Variants in TMEM212 observed in about 807,000 individuals in gnomAD.
TMEM212 encodes the protein transmembrane protein 212.
TMEM212 carries 23 observed loss-of-function variants against 20.5 expected under a neutral mutation model. That is an observed-to-expected ratio of 1.12 (90% CI 0.81 to 1.59). The LOEUF is 1.59. Ranked by LOEUF, TMEM212 falls within the 40% of genes most tolerant of loss-of-function variation. The pLI, the probability that TMEM212 is intolerant of heterozygous loss-of-function variation, is 0.00. For missense variants in TMEM212, 211 were observed against 215.0 expected (o/e 0.98, Z 0.12); for synonymous variants, 76 against 81.6 (o/e 0.93, Z 0.37).
intron 4 of TMEM212, 161 bp downstream of exon 4, chr3:171,856,868 T>C: frequency 4.8e-6 from 2 of 420,088 alleles, no homozygotes; most frequent in Non-Finnish European, 4.2e-6. Flanking sequence ...CTGACTGGGA[T>C]GTTTCCCCTT....
intron 4 of TMEM212, among the ~76,000 whole-genome samples, chr3:171,857,312 A>C (rs942988294): frequency 2.6e-5 from 4 of 152,200 alleles, no homozygotes; most frequent in Admixed American, 6.6e-5. Context: ...CCTTTTTAAT[A>C]AATGGTGTTA....
At position 171,853,784 on chromosome 3, in the gene TMEM212, A is replaced by G; in HGVS notation, c.477A>G (p.Leu159=). Residue 159 remains leucine (L), a synonymous_variant, in exon 3 of 5, where the codon CTA becomes CTG. Transcript: ENST00000334567. ...TAGACCTGTGCCTAAGCTTTACCCT[A>G]CTCTGTACATCCTTGACAGTGTTCA... ...QALDLCLSFT[L]LCTSLTVFIK... The G allele has an allele frequency of 1.3e-6, 2 of 1,536,916 alleles. No individual in the cohort carries two copies. Among genetic ancestry groups the G allele is most frequent in the African/African-American group, 1.4e-5 (1 of 73,008 alleles).
chr3:171,853,722 C>G lies in TMEM212; in HGVS notation c.415C>G (p.Pro139Ala). 2 of 1,537,510 alleles carry G rather than the reference C, an allele frequency of 1.3e-6. No individual in the cohort carries two copies. The highest frequency in any genetic ancestry group is 1.7e-6 in the Non-Finnish European group (2 of 1,146,932). The change falls in exon 3 of 5, where the codon CCA (proline) becomes GCA (alanine). Residue 139 changes from proline (P) to alanine (A), a missense_variant. Transcript: ENST00000334567. ...AKFPLACVDP[P>A]HYEEYHLTLQ... ...ATTCCCATTAGCCTGTGTGGACCCA[C>G]CACACTACGAAGAGTACCACCTGAC...
At position 171,852,108 on chromosome 3, in the gene TMEM212, G is replaced by T. The variant is rs1724990141; in HGVS notation, c.219+67G>T. 5.0e-6 allele frequency: 6 copies of T among 1,204,790 alleles called. No homozygotes were observed. The East Asian group carries it at 1.3e-4, about 26-fold the overall frequency. The allele number at this position is 1,204,790 out of a possible 1,614,324, so 74.6% of individuals were successfully genotyped here. A position where few individuals can be genotyped will look rare whatever the true frequency, so the allele number is the denominator to read the frequency against. ...AAGGTCAAATCACTACTAAGTTCAG[G>T]ATGGAACATAAAAAATATGATTTCC... On this transcript the variant is annotated intron_variant, in intron 2 of 4. Transcript: ENST00000334567.
intron 3 of TMEM212, among the ~76,000 whole-genome samples, chr3:171,855,713 C>G (rs376448331): frequency 6.6e-6 from 1 of 152,058 alleles, no homozygotes; most frequent in Non-Finnish European, 1.5e-5. Context: ...GCTCAGATGT[C>G]GTTTAATTCC....
chr3:171,850,868 CCT>C (rs1207008271), intron 1 of TMEM212, among the ~76,000 whole-genome samples: 1 of 151,710 alleles, frequency 6.6e-6, no homozygotes, highest in Admixed American at 6.6e-5. Flanking sequence ...TGTGTGTTTC[CCT>C]CTCTCTCAAA....
chr3:171,852,423 A>C (rs1724998828), intron 2 of TMEM212, among the ~76,000 whole-genome samples: 1 of 152,000 alleles, frequency 6.6e-6, no homozygotes, highest in African/African-American at 2.4e-5. Flanking sequence ...CTGGTCTCAA[A>C]CTCCTGACCT....
intron 1 of TMEM212, among the ~76,000 whole-genome samples, chr3:171,851,447 T>C (rs1327193972): frequency 6.6e-6 from 1 of 152,224 alleles, no homozygotes; most frequent in Non-Finnish European, 1.5e-5. Context: ...ACATCATGCA[T>C]TCATTCTAAT....
At chr3:171,843,589 G>C in intron 1 of TMEM212, 47 bp downstream of exon 1, 3 of 1,429,404 alleles carry the variant, frequency 2.1e-6, no homozygotes. Context: ...AAAGAAGGTG[G>C]GAGGGAAAGG....
rs1725190391 is a variant in TMEM212, at chr3:171,859,082, T to C, written c.*1025T>C. 1 of 152,048 alleles carries C rather than the reference T, an allele frequency of 6.6e-6. No homozygotes were observed. The highest frequency in any genetic ancestry group is 1.5e-5 in the Non-Finnish European group (1 of 68,024). The allele number at this position is 152,048 out of a possible 1,614,324, so 9.4% of individuals were successfully genotyped here. A position where few individuals can be genotyped will look rare whatever the true frequency, so the allele number is the denominator to read the frequency against. ...ACCAAACACCACATGTTCTCACTCA[T>C]AGGTGGGAATTGAACAATGGGAACA... On this transcript the variant is annotated 3_prime_UTR_variant, in exon 5 of 5. Coordinates refer to ENST00000334567, the MANE Select transcript of TMEM212 (RefSeq NM_001164436.2).
chr3:171,847,769 T>G (rs1288623399), intron 1 of TMEM212, among the ~76,000 whole-genome samples: 3 of 151,918 alleles, frequency 2.0e-5, no homozygotes, highest in African/African-American at 7.3e-5. Flanking sequence ...GCCAGGGTGA[T>G]CAGACATCAC....
In TMEM212 at chr3:171,858,777, T is replaced by C. The variant is rs978779839; in HGVS notation, c.*720T>C. On this transcript the variant is annotated 3_prime_UTR_variant, in exon 5 of 5. Coordinates refer to ENST00000334567, the MANE Select transcript of TMEM212 (RefSeq NM_001164436.2). The stretch of plus-strand genomic sequence containing the variant: ...AGTAGGCAAAGGACATGGACACTTC[T>C]CAAAAGAAGACATTTATGAAGCCAA... 1 of 152,124 alleles carries C rather than the reference T, an allele frequency of 6.6e-6. No homozygotes were observed. The highest frequency in any genetic ancestry group is 1.5e-5 in the Non-Finnish European group (1 of 68,026). The allele number at this position is 152,124 out of a possible 1,614,324, so 9.4% of individuals were successfully genotyped here.
intron 1 of TMEM212, among the ~76,000 whole-genome samples, 190 bp downstream of exon 1, chr3:171,843,732 T>C (rs1441743582): frequency 1.3e-5 from 2 of 152,192 alleles, no homozygotes; most frequent in Non-Finnish European, 2.9e-5. Flanking sequence ...GATCTTAATA[T>C]TGTTTTATCA....
At chr3:171,857,730 G>A (rs894443271) in intron 4 of TMEM212, among the ~76,000 whole-genome samples, 41 of 152,254 alleles carry the variant, frequency 2.7e-4, no homozygotes, top group Admixed American at 1.4e-3. Context: ...AATGACCTGC[G>A]TAGACATTTT....
intron 3 of TMEM212, 22 bp from the exon 4 acceptor site, chr3:171,856,641 C>T: frequency 1.5e-6 from 1 of 674,700 alleles, no homozygotes; most frequent in Non-Finnish European, 2.7e-6. Context: ...ATCAAATTTG[C>T]TGTCTCTCAT....
At chr3:171,851,726 A>C (rs1226775705) in intron 1 of TMEM212, among the ~76,000 whole-genome samples, 1 of 152,236 alleles carries the variant, frequency 6.6e-6, no homozygotes. Flanking sequence ...GGAGGCGATG[A>C]TTCTGATGGC....
intron 1 of TMEM212, among the ~76,000 whole-genome samples, chr3:171,849,717 C>A (rs541427192): frequency 9.3e-4 from 142 of 152,294 alleles, no homozygotes; most frequent in Non-Finnish European, 1.7e-3. Flanking sequence ...GGGCTCCCTG[C>A]TTCCTTCAAT....
chr3:171,846,980 G>T (rs1042622219), intron 1 of TMEM212, among the ~76,000 whole-genome samples: 22 of 152,166 alleles, frequency 1.4e-4, no homozygotes, highest in African/African-American at 5.3e-4. Context: ...GTAAGAAAGA[G>T]ATTTTTGTAT....
intron 2 of TMEM212, 118 bp from the exon 3 acceptor site, chr3:171,853,409 C>T (rs1725034411): frequency 2.4e-6 from 2 of 825,878 alleles, no homozygotes; most frequent in Non-Finnish European, 3.7e-6. Flanking sequence ...TGATTTCTCC[C>T]TCATTTTCCA....
Sources: gnomAD v4.1 joint callset for allele counts (sites outside exome capture counted in the v4.1 genomes callset) on GRCh38, gnomAD v4.1.1 for gene constraint, MANE v1.5 for transcripts, NCBI Gene and HGNC (gene_info 2026-07-23, HGNC 2026-07-21) for gene names.